HMGA2: variants seen among roughly 807,000 people sequenced by gnomAD.
The protein encoded by HMGA2 is high mobility group AT-hook 2, also known as high mobility group protein HMGI-C.
Under a neutral mutation model 19.1 loss-of-function variants are expected in HMGA2, and 8 were observed. That is an observed-to-expected ratio of 0.42 (90% CI 0.25 to 0.76). The LOEUF (loss-of-function observed/expected upper bound fraction) is 0.76, where lower values mean the gene tolerates loss of function less well. Among genes scored for constraint, HMGA2 ranks in the 30% least tolerant of loss-of-function variants. The probability of loss-of-function intolerance (pLI) is 0.28; values close to 1 mark genes in which losing one functional copy is unlikely to be tolerated. For missense variants in HMGA2, 109 were observed against 136.3 expected, an observed-to-expected ratio of 0.80 and a Z score of 1.00; for synonymous variants, 60 against 48.8, an observed-to-expected ratio of 1.23 and a Z score of -0.96.
intron 3 of HMGA2, among the ~76,000 whole-genome samples, chr12:65,905,025 G>C (rs1049539718): frequency 6.6e-6 from 1 of 151,508 alleles, no homozygotes. Context: ...CTGGACAACA[G>C]AGCAAGACTC....
chr12:65,847,748 A>T, intron 3 of HMGA2, among the ~76,000 whole-genome samples: 1 of 152,320 alleles, frequency 6.6e-6, no homozygotes, highest in Non-Finnish European at 1.5e-5. Flanking sequence ...TTTATTCAGC[A>T]TGTGTCAAGC....
intron 3 of HMGA2, chr12:65,882,252 AC>A: frequency 3.4e-6 from 1 of 290,422 alleles, no homozygotes. Flanking sequence ...TTCTGTTCAT[AC>A]TGAAGCAGCC....
intron 4 of HMGA2, chr12:65,957,585 C>T (rs1418299900): frequency 6.6e-6 from 1 of 152,090 alleles, no homozygotes; most frequent in African/African-American, 2.4e-5. Context: ...AAGAATTGAA[C>T]CTGGCATGGA....
At position 65,875,202 on chromosome 12, in the gene HMGA2, C is replaced by T. The variant is rs868193747; in HGVS notation, c.249+36633C>T. On this transcript the variant is annotated intron_variant, in intron 3 of 4. Coordinates refer to ENST00000403681, the MANE Select transcript of HMGA2 (RefSeq NM_003483.6). ...ATGAGAAAATATACTGACAGTGGCT[C>T]AGTACCTGCTTGCTTTGCTTGTCTT... Among the ~76,000 whole-genome samples, 6 of 152,136 alleles carry T rather than the reference C, an allele frequency of 3.9e-5. No homozygotes were observed. In the South Asian group the frequency reaches 8.3e-4, roughly 21 times the overall value.
At chr12:65,945,647 A>G (rs1174864690) in intron 3 of HMGA2, among the ~76,000 whole-genome samples, 1 of 152,174 alleles carries the variant, frequency 6.6e-6, no homozygotes, top group Non-Finnish European at 1.5e-5. Flanking sequence ...GTGCCCAACC[A>G]CACAAGTCGA....
intron 2 of HMGA2, among the ~76,000 whole-genome samples, chr12:65,837,228 G>C (rs960470151): frequency 6.6e-6 from 1 of 152,162 alleles, no homozygotes. Flanking sequence ...TTAATTCATG[G>C]GACCTGTTGG....
intron 3 of HMGA2, chr12:65,842,616 A>T (rs1264091437): frequency 6.5e-7 from 1 of 1,535,430 alleles, no homozygotes; most frequent in Non-Finnish European, 8.7e-7. Flanking sequence ...GCAGCTTAGA[A>T]GCCTTTCTTC....
chr12:65,852,092 T>A (rs559104435), intron 3 of HMGA2, among the ~76,000 whole-genome samples: 1 of 152,164 alleles, frequency 6.6e-6, no homozygotes, highest in Admixed American at 6.5e-5. Context: ...AATTTGTACT[T>A]TGTACAAATT....
intron 3 of HMGA2, among the ~76,000 whole-genome samples, chr12:65,945,221 A>T (rs1460329096): frequency 6.6e-6 from 1 of 150,652 alleles, no homozygotes; most frequent in Non-Finnish European, 1.5e-5. Flanking sequence ...GGTGTGGGGG[A>T]GGTTCTTATG....
chr12:65,882,120 A>G (rs921380017), intron 3 of HMGA2: 5 of 468,774 alleles, frequency 1.1e-5, no homozygotes, highest in Non-Finnish European at 2.0e-5. Flanking sequence ...GACAAAAGCA[A>G]CCTTAGTCAA....
intron 3 of HMGA2, among the ~76,000 whole-genome samples, chr12:65,863,028 T>A (rs1872193333): frequency 6.6e-6 from 1 of 152,214 alleles, no homozygotes; most frequent in African/African-American, 2.4e-5. Flanking sequence ...TTGGCATGGC[T>A]GTTTCATATC....
chr12:65,888,701 C>T (rs1873774164), intron 3 of HMGA2, among the ~76,000 whole-genome samples: 1 of 149,868 alleles, frequency 6.7e-6, no homozygotes, highest in Non-Finnish European at 1.5e-5. Flanking sequence ...GTAGCTGGGA[C>T]TACAGGCGCC....
chr12:65,876,008 G>T (rs1873002825), intron 3 of HMGA2, among the ~76,000 whole-genome samples: 1 of 151,898 alleles, frequency 6.6e-6, no homozygotes. Context: ...GACTGAACTT[G>T]GTCACCATTA....
intron 3 of HMGA2, among the ~76,000 whole-genome samples, chr12:65,909,510 G>A: frequency 6.6e-6 from 1 of 151,958 alleles, no homozygotes; most frequent in East Asian, 1.9e-4. Context: ...ATTCTCTCAG[G>A]CTAACTTGAG....
At chr12:65,849,875 C>T (rs945281137) in intron 3 of HMGA2, among the ~76,000 whole-genome samples, 3 of 151,542 alleles carry the variant, frequency 2.0e-5, no homozygotes, top group African/African-American at 2.4e-5. Flanking sequence ...CCTGCCACCA[C>T]GCCTGGCTAA....
At chr12:65,944,801 G>A (rs144996433) in intron 3 of HMGA2, among the ~76,000 whole-genome samples, 41 of 152,276 alleles carry the variant, frequency 2.7e-4, no homozygotes, top group Middle Eastern at 6.8e-3. Flanking sequence ...CTATGAAGAC[G>A]CTCTGCCTCC....
chr12:65,914,194 G>T lies in HMGA2; in HGVS notation c.250-37189G>T, dbSNP rs1001778631. 2.0e-5 allele frequency among the ~76,000 whole-genome samples: 3 copies of T among 152,038 alleles called. No individual in the cohort carries two copies. In the South Asian group the frequency reaches 6.3e-4, roughly 32 times the overall value. On this transcript the variant is annotated intron_variant, in intron 3 of 4. Transcript: ENST00000403681. ...TGCTGCTATAAAGACACATGCACAC[G>T]TATGTTTATTGCGGCATTATTCACA...
At chr12:65,924,603 T>A (rs942121624) in intron 3 of HMGA2, among the ~76,000 whole-genome samples, 1 of 152,088 alleles carries the variant, frequency 6.6e-6, no homozygotes, top group Non-Finnish European at 1.5e-5. Flanking sequence ...ATCGAGACCA[T>A]CCTGGCCAAC....
intron 3 of HMGA2, chr12:65,851,719 C>A: frequency 2.6e-6 from 1 of 388,058 alleles, no homozygotes; most frequent in Non-Finnish European, 5.2e-6. Context: ...ATGTTGTCAG[C>A]TTTCCATTTT....
Sources: gnomAD v4.1 joint callset for allele counts (sites outside exome capture counted in the v4.1 genomes callset) on GRCh38, gnomAD v4.1.1 for gene constraint, MANE v1.5 for transcripts, NCBI Gene and HGNC (gene_info 2026-07-23, HGNC 2026-07-21) for gene names.